COL26A1: variants seen among roughly 807,000 people sequenced by gnomAD.
COL26A1 encodes collagen alpha-1(XXVI) chain.
COL26A1 carries 41 observed loss-of-function variants against 59.3 expected under a neutral mutation model. The ratio of observed to expected loss-of-function variants is 0.69; its 90% CI spans 0.54 to 0.90. The LOEUF (loss-of-function observed/expected upper bound fraction) is 0.90. COL26A1 is among the 40% of genes least tolerant of loss of function. The pLI, the probability that COL26A1 is intolerant of heterozygous loss-of-function variation, is 0.00. For synonymous variants in COL26A1, 266 were observed against 256.0 expected (o/e 1.04, Z -0.37); for missense variants, 612 against 602.3 (o/e 1.02, Z -0.17).
rs1563007481 is a variant in COL26A1, at chr7:101,489,686, TTTCTTTC to T, written c.385+41902_385+41908del. Among the ~76,000 whole-genome samples the T allele has an allele frequency of 4.9e-3, 78 of 16,034 alleles. 27 individuals are homozygous for T. The African/African-American group carries it at 0.05, about 10-fold the overall frequency. The allele number at this position is 16,034 out of a possible 152,430, so 10.5% of individuals were successfully genotyped here. ...CTTCCTTCCTTCCTTCCTTCCTTTC[TTTCTTTC>T]TTTCTGTCTTTCTTTCTTTCATTCT... is the stretch of plus-strand genomic sequence containing the variant. On this transcript the variant is annotated intron_variant, in intron 3 of 12. Transcript: ENST00000313669.
chr7:101,492,699 A>AAAT (rs1794488252), intron 3 of COL26A1, among the ~76,000 whole-genome samples: 8 of 141,178 alleles, frequency 5.7e-5, no homozygotes, highest in Non-Finnish European at 7.6e-5. Flanking sequence ...TCTGTCTCAA[A>AAAT]AAATAAATAA....
In COL26A1 at chr7:101,557,317, C is replaced by T; in HGVS notation, c.1166-53C>T. 1.9e-6 allele frequency: 3 copies of T among 1,551,668 alleles called. No individual in the cohort carries two copies. In the South Asian group the frequency reaches 3.6e-5, roughly 19 times the overall value. On this transcript the variant is annotated intron_variant, in intron 12 of 12. Coordinates refer to ENST00000313669, the MANE Select transcript of COL26A1 (RefSeq NM_001278563.3). ...GCCACATATCATGATCAAATGTACC[C>T]CCAAGTGTTCCTAAGGCTCTACCTC...
chr7:101,441,608 G>A (rs1281388247), intron 2 of COL26A1, among the ~76,000 whole-genome samples: 2 of 152,170 alleles, frequency 1.3e-5, no homozygotes, highest in African/African-American at 4.8e-5. Context: ...GTGAGCCACC[G>A]TGCCCGGCCT....
intron 1 of COL26A1, among the ~76,000 whole-genome samples, chr7:101,404,512 C>G (rs149349052): frequency 1.3e-5 from 2 of 152,284 alleles, no homozygotes; most frequent in East Asian, 3.9e-4. Context: ...TTCACCTTCC[C>G]AGGGGAGCCA....
chr7:101,409,187 C>T (rs1324222501), intron 1 of COL26A1, among the ~76,000 whole-genome samples: 2 of 152,180 alleles, frequency 1.3e-5, no homozygotes, highest in African/African-American at 4.8e-5. Context: ...CTGAACCACA[C>T]TCAACTCTCA....
At position 101,366,474 on chromosome 7, in the gene COL26A1, A is replaced by ATT. The variant is rs869149636; in HGVS notation, c.158+3326_158+3327dup. On this transcript the variant is annotated intron_variant, in intron 1 of 12. Coordinates refer to ENST00000313669, the MANE Select transcript of COL26A1 (RefSeq NM_001278563.3). ...TGTTACTGCTCCTTGTTAACGTCTG[A>ATT]TTTTTTTTTTTTTTTTTTTTTTTTT... Among the ~76,000 whole-genome samples the ATT allele has an allele frequency of 5.0e-4, 38 of 76,264 alleles. 1 individual carries two copies. The highest frequency in any genetic ancestry group is 4.0e-3 in the East Asian group (11 of 2,726). 50.0% of individuals were successfully genotyped at this position (76,264 alleles called of 152,430 possible). A position where few individuals can be genotyped will look rare whatever the true frequency, so the allele number is the denominator to read the frequency against.
intron 3 of COL26A1, among the ~76,000 whole-genome samples, chr7:101,520,627 GACACAT>G (rs1325028212): frequency 1.1e-5 from 1 of 88,958 alleles, no homozygotes; most frequent in Non-Finnish European, 2.2e-5. Context: ...GACAAGCACA[GACACAT>G]ACACACACAC....
At chr7:101,535,648 G>C (rs1041325870) in intron 4 of COL26A1, among the ~76,000 whole-genome samples, 2 of 152,144 alleles carry the variant, frequency 1.3e-5, no homozygotes, top group Non-Finnish European at 2.9e-5. Flanking sequence ...TGTGTGCCTC[G>C]AGGGCTGGAG....
At chr7:101,499,106 G>A (rs996925939) in intron 3 of COL26A1, among the ~76,000 whole-genome samples, 2 of 152,228 alleles carry the variant, frequency 1.3e-5, no homozygotes, top group African/African-American at 4.8e-5. Flanking sequence ...GTCGGCTGGG[G>A]AGGGGGAGGC....
At chr7:101,534,063 G>T (rs1007921409) in intron 4 of COL26A1, among the ~76,000 whole-genome samples, 1 of 152,206 alleles carries the variant, frequency 6.6e-6, no homozygotes, top group African/African-American at 2.4e-5. Flanking sequence ...AGAGGGGCTC[G>T]ACCTGAGGGA....
chr7:101,506,193 G>A (rs1167895280), intron 3 of COL26A1, among the ~76,000 whole-genome samples: 1 of 152,210 alleles, frequency 6.6e-6, no homozygotes, highest in Non-Finnish European at 1.5e-5. Flanking sequence ...TCAAAGACAT[G>A]CCTTTAACTT....
At position 101,430,664 on chromosome 7, in the gene COL26A1, G is replaced by A. The variant is rs58370184; in HGVS notation, c.281+10565G>A. On this transcript the variant is annotated intron_variant, in intron 2 of 12. Transcript: ENST00000313669. ...CAATTGATATTTATATATTGATCTC[G>A]TAGCCTGTAATGCAGCTGAATTCAC... Among the ~76,000 whole-genome samples, 291 of 151,732 alleles carry A rather than the reference G, an allele frequency of 1.9e-3. 2 individuals carry two copies. Among genetic ancestry groups the A allele is most frequent in the African/African-American group, 6.4e-3 (266 of 41,346 alleles).
intron 3 of COL26A1, among the ~76,000 whole-genome samples, chr7:101,467,608 C>T (rs1252444243): frequency 6.6e-6 from 1 of 151,652 alleles, no homozygotes; most frequent in Non-Finnish European, 1.5e-5. Flanking sequence ...TGGCTCACGC[C>T]TGTAATCCCA....
At chr7:101,504,012 C>T (rs952427366) in intron 3 of COL26A1, among the ~76,000 whole-genome samples, 1 of 152,196 alleles carries the variant, frequency 6.6e-6, no homozygotes, top group Non-Finnish European at 1.5e-5. Context: ...TGTGGGCAGG[C>T]GACCCTGAGC....
intron 3 of COL26A1, among the ~76,000 whole-genome samples, chr7:101,483,731 A>G (rs1171960718): frequency 6.7e-6 from 1 of 148,624 alleles, no homozygotes; most frequent in Non-Finnish European, 1.5e-5. Context: ...CTGGAGTGCA[A>G]TGGCGCGATC....
intron 3 of COL26A1, among the ~76,000 whole-genome samples, chr7:101,488,672 G>A (rs925760070): frequency 1.3e-5 from 2 of 152,106 alleles, no homozygotes; most frequent in South Asian, 2.1e-4. Flanking sequence ...CACCGCGCCC[G>A]AACTTTAACC....
chr7:101,472,664 G>C (rs1793931990), intron 3 of COL26A1, among the ~76,000 whole-genome samples: 1 of 152,208 alleles, frequency 6.6e-6, no homozygotes, highest in East Asian at 1.9e-4. Context: ...GCATGGAGCA[G>C]CTGGGATGAG....
chr7:101,487,947 C>G (rs1794303098), intron 3 of COL26A1, among the ~76,000 whole-genome samples: 1 of 152,016 alleles, frequency 6.6e-6, no homozygotes, highest in Admixed American at 6.6e-5. Flanking sequence ...TCTCAAACTA[C>G]TACAGTGTCT....
chr7:101,519,926 C>T (rs73411690), intron 3 of COL26A1, among the ~76,000 whole-genome samples: 6,433 of 152,208 alleles, frequency 0.042, 471 homozygotes, highest in African/African-American at 0.15. Context: ...ATCCCAGGCC[C>T]TCCAGTCCAG....
Sources: gnomAD v4.1 joint callset for allele counts (sites outside exome capture counted in the v4.1 genomes callset) on GRCh38, gnomAD v4.1.1 for gene constraint, MANE v1.5 for transcripts, NCBI Gene and HGNC (gene_info 2026-07-23, HGNC 2026-07-21) for gene names.